SLC35E1: variants seen among roughly 807,000 people sequenced by gnomAD.
The protein encoded by SLC35E1 is solute carrier family 35, member E1.
Under a neutral mutation model 31.0 loss-of-function variants are expected in SLC35E1, and 12 were observed. The observed-to-expected ratio is 0.39, with a 90% CI of 0.25 to 0.63. The LOEUF (loss-of-function observed/expected upper bound fraction) is 0.63. Among genes scored for constraint, SLC35E1 ranks in the 20% least tolerant of loss-of-function variants. The pLI is 0.52. For synonymous variants in SLC35E1, 257 were observed against 264.1 expected, an observed-to-expected ratio of 0.97 and a Z score of 0.26; for missense variants, 429 against 572.2, an observed-to-expected ratio of 0.75 and a Z score of 2.55.
In SLC35E1 at chr19:16,552,092, G is replaced by A. The variant is rs1447372152; in HGVS notation, c.*1587C>T. 6.6e-6 allele frequency: 1 copy of A among 152,056 alleles called. No homozygotes were observed. The highest frequency in any genetic ancestry group is 1.9e-4 in the East Asian group (1 of 5,184). 9.4% of individuals were successfully genotyped at this position (152,056 alleles called of 1,614,324 possible). A position where few individuals can be genotyped will look rare whatever the true frequency, so the allele number is the denominator to read the frequency against. ...ATCTGATTTGGCAAACCAAATCTTAGTGCAGTGTTCGCTCCTCGTCCCCTT... is the reference window on the plus strand; with the variant it reads ...ATCTGATTTGGCAAACCAAATCTTAATGCAGTGTTCGCTCCTCGTCCCCTT... On this transcript the variant is annotated 3_prime_UTR_variant, in exon 6 of 6. Transcript: ENST00000595753.
At position 16,571,541 on chromosome 19, in the gene SLC35E1, T is replaced by A; in HGVS notation, c.463A>T (p.Ile155Phe). 1 of 1,613,918 alleles carries A rather than the reference T, an allele frequency of 6.2e-7. No homozygotes were observed. The highest frequency in any genetic ancestry group is 8.5e-7 in the Non-Finnish European group (1 of 1,179,942). ...MPIWVVLLSR[I>F]IMKEKQSTKV... The stretch of plus-strand genomic sequence containing the variant: ...GTGCTCTGCTTCTCCTTCATAATGA[T>A]CCGGGACAGGAGGACCACCCAGATG... Residue 155 changes from isoleucine (I) to phenylalanine (F), a missense_variant, in exon 2 of 6, where the codon ATC becomes TTC. Physicochemically the swap from Ile to Phe is conservative, Grantham distance 21 (BLOSUM62 0). Coordinates refer to ENST00000595753, the MANE Select transcript of SLC35E1 (RefSeq NM_024881.5).
At chr19:16,565,201 A>G (rs2085925545) in intron 4 of SLC35E1, 3 of 423,454 alleles carry the variant, frequency 7.1e-6, no homozygotes, top group East Asian at 1.4e-4. Flanking sequence ...TGAGCTGCAC[A>G]GTTTTCTTTC....
intron 2 of SLC35E1, among the ~76,000 whole-genome samples, chr19:16,571,125 A>G (rs1183654091): frequency 6.6e-6 from 1 of 151,718 alleles, no homozygotes; most frequent in Non-Finnish European, 1.5e-5. Flanking sequence ...TGAACACCTA[A>G]CCGACAGCGT....
At chr19:16,561,213 CAAAAAAAAAAA>C (rs59176175) in intron 4 of SLC35E1, among the ~76,000 whole-genome samples, 24 of 24,740 alleles carry the variant, frequency 9.7e-4, no homozygotes, top group Middle Eastern at 0.038. Context: ...GACTCCATCT[CAAAAAAAAAAA>C]AAAAAAAAAA....
chr19:16,558,286 C>T (rs892081058), intron 4 of SLC35E1, among the ~76,000 whole-genome samples: 10 of 151,974 alleles, frequency 6.6e-5, no homozygotes, highest in African/African-American at 1.7e-4. Context: ...TCAGGTGATC[C>T]GCCCACCTTG....
intron 4 of SLC35E1, chr19:16,565,390 A>G: frequency 3.3e-6 from 1 of 305,422 alleles, no homozygotes; most frequent in Non-Finnish European, 6.4e-6. Context: ...TTGTATTTTT[A>G]GTAGAGACAG....
chr19:16,560,566 A>C (rs2085899394), intron 4 of SLC35E1, among the ~76,000 whole-genome samples: 1 of 152,154 alleles, frequency 6.6e-6, no homozygotes, highest in Admixed American at 6.5e-5. Context: ...AAAATAGAAA[A>C]AAACCTAACA....
Position 16,572,036 on chromosome 19 carries a change from C to T in SLC35E1, c.329G>A (p.Arg110His). 1.3e-6 allele frequency: 2 copies of T among 1,542,474 alleles called. No homozygotes were observed. Among genetic ancestry groups the T allele is most frequent in the Non-Finnish European group, 1.7e-6 (2 of 1,143,910 alleles). The change falls in exon 1 of 6, where the codon CGC becomes CAC. Residue 110 changes from arginine (R) to histidine (H), a missense_variant. By Grantham distance (29) the Arg-to-His change is conservative (BLOSUM62 0). Coordinates refer to ENST00000595753, the MANE Select transcript of SLC35E1 (RefSeq NM_024881.5). The surrounding 1 kb of genome is among the most constrained non-coding windows in gnomAD (Gnocchi z 4.1). ...GCCGAAGGCGAGCGGTAGCACGTAG[C>T]GCGGGTAGAAGCGCGGCGGCAGCAG... ...GPLLPPRFYP[R>H]YVLPLAFGKY...
chr19:16,554,749 C>T (rs1032300871), intron 5 of SLC35E1, among the ~76,000 whole-genome samples: 8 of 138,124 alleles, frequency 5.8e-5, no homozygotes, highest in East Asian at 2.3e-4. Context: ...CCCCGGGAGG[C>T]GGAGGTTGCA....
intron 1 of SLC35E1, 118 bp from the exon 2 acceptor site, chr19:16,571,700 T>G: frequency 8.8e-7 from 1 of 1,141,312 alleles, no homozygotes; most frequent in Non-Finnish European, 1.3e-6. Context: ...GCCCCTTCTC[T>G]TTCGGTAGGG....
chr19:16,554,085 C>A (rs1356299232), intron 5 of SLC35E1, among the ~76,000 whole-genome samples, 176 bp from the exon 6 acceptor site: 3 of 149,976 alleles, frequency 2.0e-5, no homozygotes, highest in Non-Finnish European at 3.0e-5. Context: ...GGCAACATGG[C>A]AAAACCCCGT....
At chr19:16,564,316 T>G (rs1218778011) in intron 4 of SLC35E1, 1 of 151,918 alleles carries the variant, frequency 6.6e-6, no homozygotes, top group African/African-American at 2.4e-5. Context: ...TTTTTCTTCT[T>G]TTTTTTTAAG....
chr19:16,554,020 T>G, intron 5 of SLC35E1, 111 bp from the exon 6 acceptor site: 1 of 926,838 alleles, frequency 1.1e-6, no homozygotes. Context: ...ATCCCAGCAC[T>G]TTGGGAGGTC....
intron 3 of SLC35E1, 40 bp from the exon 4 acceptor site, chr19:16,566,697 T>C: frequency 6.3e-7 from 1 of 1,587,134 alleles, no homozygotes; most frequent in Non-Finnish European, 8.6e-7. Flanking sequence ...ATTAAAACTA[T>C]ATGTGGCAAA....
In SLC35E1 at chr19:16,553,620, G is replaced by C. The variant is rs903794622; in HGVS notation, c.*59C>G. 4 of 1,373,422 alleles carry C rather than the reference G, an allele frequency of 2.9e-6. No individual in the cohort carries two copies. The highest frequency in any genetic ancestry group is 3.9e-6 in the Non-Finnish European group (4 of 1,030,928). 85.1% of individuals were successfully genotyped at this position (1,373,422 alleles called of 1,614,324 possible). A position where few individuals can be genotyped will look rare whatever the true frequency, so the allele number is the denominator to read the frequency against. The stretch of plus-strand genomic sequence containing the variant: ...CATTCACTGATTGTCAGAAGTTTCT[G>C]ATACTGCTGTGGGGGCCGGGGAAGG... On this transcript the variant is annotated 3_prime_UTR_variant, in exon 6 of 6. Transcript: ENST00000595753.
rs2085849809 is a variant in SLC35E1, at chr19:16,552,342, G to GT, written c.*1336dup. Reference sequence around the variant, plus strand: ...GCATCACCAGTGGGAACTTGGTTTTGTTTTGTTTTTTTTTTTGAGATGGAG... The same window carrying GT: ...GCATCACCAGTGGGAACTTGGTTTTGTTTTTGTTTTTTTTTTTGAGATGGAG... On this transcript the variant is annotated 3_prime_UTR_variant, in exon 6 of 6. Transcript: ENST00000595753. 1 of 150,482 alleles carries GT rather than the reference G, an allele frequency of 6.6e-6. No homozygotes were observed. Among genetic ancestry groups the GT allele is most frequent in the African/African-American group, 2.4e-5 (1 of 40,998 alleles). The allele number at this position is 150,482 out of a possible 1,614,324, so 9.3% of individuals were successfully genotyped here.
intron 4 of SLC35E1, among the ~76,000 whole-genome samples, chr19:16,556,199 C>T (rs985688561): frequency 2.6e-5 from 4 of 151,384 alleles, no homozygotes; most frequent in South Asian, 2.1e-4. Flanking sequence ...GGCAACAGAG[C>T]GAGACTCTGT....
At chr19:16,571,033 G>A (rs2085955207) in intron 2 of SLC35E1, among the ~76,000 whole-genome samples, 1 of 151,748 alleles carries the variant, frequency 6.6e-6, no homozygotes, top group South Asian at 2.1e-4. Flanking sequence ...GGGAGGCGGA[G>A]GTTGCAGTGA....
chr19:16,566,344 G>A, intron 4 of SLC35E1, 188 bp downstream of exon 4: 1 of 720,072 alleles, frequency 1.4e-6, no homozygotes, highest in South Asian at 2.0e-5. Context: ...GAAATACACA[G>A]GAAACCCACT....
Sources: gnomAD v4.1 joint callset for allele counts (sites outside exome capture counted in the v4.1 genomes callset) on GRCh38, gnomAD v4.1.1 for gene constraint, Gnocchi (gnomAD v3.1) non-coding constraint, MANE v1.5 for transcripts, NCBI Gene and HGNC (gene_info 2026-07-23, HGNC 2026-07-21) for gene names.